KRT8: variants seen among roughly 807,000 people sequenced by gnomAD.
KRT8 encodes keratin 8, also known as keratin, type II cytoskeletal 8.
In KRT8, 24 loss-of-function variants were observed where a neutral mutation model predicts 43.0. That is an observed-to-expected ratio of 0.56 (90% CI 0.40 to 0.78). The LOEUF is 0.78. KRT8 is among the 30% of genes least tolerant of loss of function. KRT8 has a pLI of 0.00. For missense variants in KRT8, 492 were observed against 638.4 expected (o/e 0.77, Z 2.47); for synonymous variants, 214 against 261.2 (o/e 0.82, Z 1.74).
chr12:52,908,196 A>G (rs1055689041), upstream of KRT8, among the ~76,000 whole-genome samples: 2 of 151,746 alleles, frequency 1.3e-5, no homozygotes, highest in East Asian at 1.9e-4. Context: ...ATCATCACTC[A>G]TGATCATGGG....
chr12:52,926,648 G>C (rs1478673454), intron 2 of KRT8, among the ~76,000 whole-genome samples: 1 of 152,096 alleles, frequency 6.6e-6, no homozygotes, highest in Non-Finnish European at 1.5e-5. Flanking sequence ...CAGTCATTTA[G>C]CATGCACTGA....
At chr12:52,941,444 CT>C (rs1315143834) in intron 2 of KRT8, among the ~76,000 whole-genome samples, 1 of 149,978 alleles carries the variant, frequency 6.7e-6, no homozygotes, top group African/African-American at 2.5e-5. Context: ...AAATCTTACC[CT>C]TAGCCCCCGG....
At chr12:52,928,290 C>T (rs962752981) in intron 2 of KRT8, among the ~76,000 whole-genome samples, 20 of 152,144 alleles carry the variant, frequency 1.3e-4, no homozygotes, top group Non-Finnish European at 5.9e-5. Flanking sequence ...ATGACACCAT[C>T]ACTCCTTCTC....
chr12:52,944,918 C>G (rs1942321175), intron 2 of KRT8, among the ~76,000 whole-genome samples: 2 of 152,194 alleles, frequency 1.3e-5, no homozygotes, highest in Admixed American at 1.3e-4. Flanking sequence ...CCAGCTGCCA[C>G]CCGCATCCTC....
At chr12:52,900,000 G>A (rs777123026) in exon 5 of KRT8, 8 of 1,613,100 alleles carry the variant, frequency 5.0e-6, no homozygotes, top group Non-Finnish European at 6.8e-6. Flanking sequence ...TGTCCAGGGA[G>A]CGGCTGTTGT....
Position 52,931,631 on chromosome 12 carries a change from C to G in KRT8, c.-47+17825G>C, listed in dbSNP as rs565842269. Among the ~76,000 whole-genome samples the G allele has an allele frequency of 6.6e-5, 10 of 151,064 alleles. No homozygotes were observed. In the South Asian group the frequency reaches 2.1e-3, roughly 32 times the overall value. On this transcript the variant is annotated intron_variant, in intron 2 of 6. Transcript: ENST00000546826. ...TTTCCCACTTTATCTCCCACCTCTT[C>G]CTTTCTCCACTACTCATTGGCTCCC...
chr12:52,901,605 TA>T (rs1941371731), intron 2 of KRT8: 1 of 584,552 alleles, frequency 1.7e-6, no homozygotes, highest in African/African-American at 1.9e-5. Flanking sequence ...GTCTCAGGTT[TA>T]CCATGTCAAC....
At chr12:52,938,141 T>TATATATATATATATATAC (rs1942199895) in intron 2 of KRT8, among the ~76,000 whole-genome samples, 1 of 29,746 alleles carries the variant, frequency 3.4e-5, no homozygotes, top group Non-Finnish European at 6.7e-5. Context: ...GAAAGCTATA[T>TATATATATATATATATAC]ATATATATAT....
At chr12:52,913,884 A>T (rs1314871619) in intron 2 of KRT8, among the ~76,000 whole-genome samples, 1 of 152,128 alleles carries the variant, frequency 6.6e-6, no homozygotes, top group Non-Finnish European at 1.5e-5. Flanking sequence ...TTTTTCTTTT[A>T]TACAGACAGA....
At chr12:52,941,735 G>A (rs1384292392) in intron 2 of KRT8, among the ~76,000 whole-genome samples, 2 of 151,926 alleles carry the variant, frequency 1.3e-5, no homozygotes, top group African/African-American at 4.8e-5. Flanking sequence ...TGATCCGCCC[G>A]CCTCAGCCTC....
At chr12:52,908,225 G>GA (rs1330290294), upstream of KRT8, among the ~76,000 whole-genome samples, 1 of 148,966 alleles carries the variant, frequency 6.7e-6, no homozygotes, top group Non-Finnish European at 1.5e-5. Context: ...GTCTGAACAA[G>GA]TTTTTTTTTT....
At chr12:52,906,745 C>T (rs955436200), upstream of KRT8, 2 of 455,800 alleles carry the variant, frequency 4.4e-6, no homozygotes, top group East Asian at 6.9e-5. Flanking sequence ...ACAGCCAGAT[C>T]CCCTTGAGGA....
intron 2 of KRT8, among the ~76,000 whole-genome samples, chr12:52,920,007 A>C (rs1002359100): frequency 2.6e-5 from 4 of 152,218 alleles, no homozygotes; most frequent in African/African-American, 4.8e-5. Context: ...ACAGACAAGG[A>C]AACTAAAGCC....
At chr12:52,903,263 C>A (rs1941419686) in intron 1 of KRT8, among the ~76,000 whole-genome samples, 3 of 62,258 alleles carry the variant, frequency 4.8e-5, no homozygotes, top group Non-Finnish European at 1.2e-4. Context: ...TTTAGGGGCT[C>A]TCATATTCAT....
At chr12:52,942,224 C>A (rs184667590) in intron 2 of KRT8, among the ~76,000 whole-genome samples, 302 of 152,228 alleles carry the variant, frequency 2.0e-3, no homozygotes, top group Non-Finnish European at 3.7e-3. Context: ...CCGCCCCAGG[C>A]CCTATCATAC....
intron 2 of KRT8, among the ~76,000 whole-genome samples, chr12:52,935,378 CAAAAAAAAAAAAA>C (rs71092794): frequency 3.8e-4 from 9 of 23,752 alleles, no homozygotes; most frequent in South Asian, 4.7e-3. Context: ...GACTCTGTCT[CAAAAAAAAAAAAA>C]AAAAAAAAAA....
intron 2 of KRT8, among the ~76,000 whole-genome samples, chr12:52,930,776 T>C (rs182513283): frequency 1.3e-5 from 2 of 151,690 alleles, no homozygotes; most frequent in East Asian, 3.9e-4. Context: ...GCCAGGCTGG[T>C]CTTGAGCTCC....
At chr12:52,904,146 GA>G (rs901862982) in intron 1 of KRT8, among the ~76,000 whole-genome samples, 2 of 151,776 alleles carry the variant, frequency 1.3e-5, no homozygotes, top group African/African-American at 4.8e-5. Context: ...AGAAAAGAAA[GA>G]AAAAAAATCA....
At chr12:52,928,030 G>A (rs1942022374) in intron 2 of KRT8, among the ~76,000 whole-genome samples, 1 of 152,124 alleles carries the variant, frequency 6.6e-6, no homozygotes, top group African/African-American at 2.4e-5. Context: ...TGCACTCCAG[G>A]CTGGGCAACA....
Sources: gnomAD v4.1 joint callset for allele counts (sites outside exome capture counted in the v4.1 genomes callset) on GRCh38, gnomAD v4.1.1 for gene constraint, MANE v1.5 for transcripts, NCBI Gene and HGNC (gene_info 2026-07-23, HGNC 2026-07-21) for gene names.